The following MYBBP1A variants were observed in gnomAD, a reference collection of about 807,000 sequenced individuals.
MYBBP1A encodes myb-binding protein 1A.
MYBBP1A carries 147 observed loss-of-function variants against 136.3 expected under a neutral mutation model. That is an observed-to-expected ratio of 1.08 (90% CI 0.94 to 1.24). The LOEUF is 1.24. MYBBP1A is among the 50% of genes most tolerant of loss of function. The pLI, the probability that MYBBP1A is intolerant of heterozygous loss-of-function variation, is 0.00. For synonymous variants in MYBBP1A, 947 were observed against 735.8 expected, an observed-to-expected ratio of 1.29 and a Z score of -4.65; for missense variants, 2,060 against 1,727.4, an observed-to-expected ratio of 1.19 and a Z score of -3.41.
Position 4,543,255 on chromosome 17 carries a change from T to C in MYBBP1A, c.2640-90A>G, listed in dbSNP as rs1041423563. 12 of 1,461,170 alleles carry C rather than the reference T, an allele frequency of 8.2e-6. No individual in the cohort carries two copies. The African/African-American group carries it at 1.7e-4, about 21-fold the overall frequency. 90.5% of individuals were successfully genotyped at this position (1,461,170 alleles called of 1,614,324 possible). On this transcript the variant is annotated intron_variant, in intron 19 of 25. Coordinates refer to ENST00000254718, the MANE Select transcript of MYBBP1A (RefSeq NM_014520.4). Reference sequence around the variant, plus strand: ...GCCAACCCAAGTCCCACTTTATAAGTGGGGAAACAGACCTAGAAGACGACA... The same window carrying C: ...GCCAACCCAAGTCCCACTTTATAAGCGGGGAAACAGACCTAGAAGACGACA...
chr17:4,550,368 C>A lies in MYBBP1A; in HGVS notation c.1024-15G>T. The stretch of plus-strand genomic sequence containing the variant: ...TGCTTTGGGAGCTGCAAGAGTTAGG[C>A]ATGGCGCTGAGCCCACCAGCCCAGG... On this transcript the variant is annotated splice_polypyrimidine_tract_variant and intron_variant, in intron 8 of 25. Transcript: ENST00000254718. The A allele has an allele frequency of 6.2e-7, 1 of 1,603,408 alleles. No homozygotes were observed. The highest frequency in any genetic ancestry group is 8.5e-7 in the Non-Finnish European group (1 of 1,174,872).
intron 13 of MYBBP1A, among the ~76,000 whole-genome samples, chr17:4,546,266 G>C (rs1907003814): frequency 6.6e-6 from 1 of 152,180 alleles, no homozygotes; most frequent in African/African-American, 2.4e-5. Context: ...TTGCAGGCGT[G>C]TACCACCATG....
At chr17:4,549,150 C>T (rs1188020541) in intron 10 of MYBBP1A, among the ~76,000 whole-genome samples, 182 bp downstream of exon 10, 1 of 152,226 alleles carries the variant, frequency 6.6e-6, no homozygotes, top group African/African-American at 2.4e-5. Context: ...AGCTGGGGTG[C>T]CTCCTGGGCC....
rs373596938 is a variant in MYBBP1A at position 4,544,999 on chromosome 17, G to A, written c.2310+27C>T. ...GGGGACACCCGAGCCCTCCCCGGCC[G>A]CCCCCCCCTCCACCTCCCCCACTCA... On this transcript the variant is annotated intron_variant, in intron 17 of 25. Transcript: ENST00000254718. 673 of 498,994 alleles carry A rather than the reference G, an allele frequency of 1.3e-3. 4 individuals carry two copies. The East Asian group carries it at 0.033, about 24-fold the overall frequency. 30.9% of individuals were successfully genotyped at this position (498,994 alleles called of 1,614,324 possible).
Position 4,545,128 on chromosome 17 carries a change from C to T in MYBBP1A, c.2208G>A (p.Glu736=). The change falls in exon 17 of 26, where the codon GAG becomes GAA. Residue 736 remains glutamate (E), a synonymous_variant. Coordinates refer to ENST00000254718, the MANE Select transcript of MYBBP1A (RefSeq NM_014520.4). ...CCTCGCTCTCCTCCCCCTCGCTCTC[C>T]TCTTCACTCTCTGAGCTTCTGTTGT... ...GEDNRSSESE[E]ESEGEESEEE... is the part of the protein sequence containing the mutation. 6.2e-7 allele frequency: 1 copy of T among 1,612,858 alleles called. No individual in the cohort carries two copies. Among genetic ancestry groups the T allele is most frequent in the South Asian group, 1.1e-5 (1 of 90,976 alleles).
rs1312710248 is a variant in MYBBP1A at position 4,544,939 on chromosome 17, A to T, written c.2311-18T>A. 6.3e-7 allele frequency: 1 copy of T among 1,590,110 alleles called. No individual in the cohort carries two copies. ...TCTCCACCCTGAGGGACAGAGGCCC[A>T]GCGGTCAGCCAGGCCTCGGGCAGGC... On this transcript the variant is annotated intron_variant, in intron 17 of 25. Transcript: ENST00000254718.
chr17:4,548,159 G>A lies in MYBBP1A; in HGVS notation c.1708C>T (p.Arg570Cys), dbSNP rs768988563. 1.6e-5 allele frequency: 25 copies of A among 1,604,968 alleles called. No individual in the cohort carries two copies. The highest frequency in any genetic ancestry group is 1.6e-4 in the Middle Eastern group (1 of 6,084). ...CGTGCTCACCGGTCCCAGGCCTGGC[G>A]CTGCTGCGCAGTGAAGGGTGTCACG... ...TTVTPFTAQQ[R>C]QAWDRMLQTL... The change falls in exon 12 of 26, where the codon CGC becomes TGC. Residue 570 changes from arginine (R) to cysteine (C), a missense_variant. Coordinates refer to ENST00000254718, the MANE Select transcript of MYBBP1A (RefSeq NM_014520.4). The surrounding 1 kb of genome is among the most constrained non-coding windows in gnomAD (Gnocchi z 4.2).
In MYBBP1A at chr17:4,554,194, C is replaced by G. The variant is rs749862876; in HGVS notation, c.378+1G>C. The G allele has an allele frequency of 3.7e-6, 6 of 1,613,962 alleles. No individual in the cohort carries two copies. The highest frequency in any genetic ancestry group is 1.7e-5 in the Admixed American group (1 of 60,002). ...GCTGACCTCCCTGGCCCCACTCTCA[C>G]CTTCTTCACCTGATGCAGGTCATAT... On this transcript the variant is annotated splice_donor_variant, in intron 3 of 25. Transcript: ENST00000254718. LOFTEE classifies it high-confidence loss of function.
In MYBBP1A at chr17:4,541,463, C is replaced by G. The variant is rs1415004556; in HGVS notation, c.3297G>C (p.Glu1099Asp). 1 of 1,612,880 alleles carries G rather than the reference C, an allele frequency of 6.2e-7. No individual in the cohort carries two copies. Among genetic ancestry groups the G allele is most frequent in the Non-Finnish European group, 8.5e-7 (1 of 1,179,822 alleles). ...LNVLFRTCKHEKLTLDLTVLL... is the reference protein window; with the variant it reads ...LNVLFRTCKHDKLTLDLTVLL... ...ACCGCGGACTGGGCCCCCGCCTCAC[C>G]TCATGTTTGCAGGTCCTGAAGAGAA... The change falls in exon 24 of 26, where the codon GAG becomes GAC. Residue 1099 changes from glutamate to aspartate, a missense_variant and splice_region_variant. Coordinates refer to ENST00000254718, the MANE Select transcript of MYBBP1A (RefSeq NM_014520.4).
chr17:4,543,216 C>G, intron 19 of MYBBP1A, 51 bp from the exon 20 acceptor site: 1 of 1,535,956 alleles, frequency 6.5e-7, no homozygotes, highest in Non-Finnish European at 8.7e-7. Flanking sequence ...GTCCACCCTG[C>G]TCCGCCAAGC....
Position 4,545,053 on chromosome 17 carries a change from C to A in MYBBP1A, c.2283G>T (p.Met761Ile). ...GCGCCTTCCCAGCCTGCAGCACGGT[C>A]ATCAGCTGTTCCCGGAAGCCCTGAT... ...DVDQGFREQLMTVLQAGKALG... is the reference protein window; with the variant it reads ...DVDQGFREQLITVLQAGKALG... The change falls in exon 17 of 26, where the codon ATG becomes ATT. Residue 761 changes from methionine (M) to isoleucine (I), a missense_variant. Coordinates refer to ENST00000254718, the MANE Select transcript of MYBBP1A (RefSeq NM_014520.4). 6.5e-7 allele frequency: 1 copy of A among 1,542,826 alleles called. No homozygotes were observed. The highest frequency in any genetic ancestry group is 8.7e-7 in the Non-Finnish European group (1 of 1,145,446).
In MYBBP1A at chr17:4,546,893, G is replaced by A. The variant is rs186968894; in HGVS notation, c.1825-951C>T. Among the ~76,000 whole-genome samples the A allele has an allele frequency of 9.2e-4, 139 of 150,878 alleles. 1 individual carries two copies. The highest frequency in any genetic ancestry group is 3.2e-3 in the African/African-American group (130 of 40,904). ...AGGCTGTGTGCCCAAGCAGGTCCCC[G>A]TCCTCCTCTGGGCTGCACCTTTTTT... On this transcript the variant is annotated intron_variant, in intron 13 of 25. Coordinates refer to ENST00000254718, the MANE Select transcript of MYBBP1A (RefSeq NM_014520.4).
intron 22 of MYBBP1A, 37 bp downstream of exon 22, chr17:4,542,427 A>G (rs1478182688): frequency 6.3e-7 from 1 of 1,576,526 alleles, no homozygotes; most frequent in South Asian, 1.2e-5. Context: ...GGGTTAATTC[A>G]GACAGGCCCT....
At chr17:4,555,074 C>G in intron 1 of MYBBP1A, 53 bp downstream of exon 1, 20 of 1,568,464 alleles carry the variant, frequency 1.3e-5, no homozygotes, top group Non-Finnish European at 1.7e-5. Flanking sequence ...GGGCCCGCCG[C>G]CGCTTCCTTG....
chr17:4,540,272 G>T, intron 25 of MYBBP1A, 76 bp downstream of exon 25: 1 of 1,503,742 alleles, frequency 6.7e-7, no homozygotes, highest in Non-Finnish European at 8.9e-7. Context: ...CGTGTGTGCA[G>T]CGTGTGTGTG....
In MYBBP1A at chr17:4,542,661, G is replaced by A. The variant is rs1597378617; in HGVS notation, c.2973C>T (p.Ser991=). 3.1e-6 allele frequency: 5 copies of A among 1,614,024 alleles called. No homozygotes were observed. Among genetic ancestry groups the A allele is most frequent in the African/African-American group, 2.7e-5 (2 of 75,026 alleles). ...TGAGGAACATGGGAACTGTGAGGGGGCTGTTGCGCTTGGTCAGGAAGGAGC... is the reference window on the plus strand; with the variant it reads ...TGAGGAACATGGGAACTGTGAGGGGACTGTTGCGCTTGGTCAGGAAGGAGC... The part of the protein sequence containing the change: ...ALSSFLTKRN[S]PLTVPMFLSL... The change falls in exon 21 of 26, where the codon AGC becomes AGT. Residue 991 remains serine, a synonymous_variant. Coordinates refer to ENST00000254718, the MANE Select transcript of MYBBP1A (RefSeq NM_014520.4).
At chr17:4,545,782 G>C in intron 14 of MYBBP1A, 21 bp from the exon 15 acceptor site, 1 of 1,606,930 alleles carries the variant, frequency 6.2e-7, no homozygotes, top group Non-Finnish European at 8.5e-7. Flanking sequence ...GAGGGGTTGA[G>C]CCCGGATAGG....
chr17:4,540,318 C>G (rs369374364), intron 25 of MYBBP1A, 30 bp downstream of exon 25: 2 of 1,576,912 alleles, frequency 1.3e-6, no homozygotes, highest in Non-Finnish European at 1.7e-6. Flanking sequence ...AGCCCCTACC[C>G]AAGGTGTGTG....
chr17:4,541,997 G>C, intron 22 of MYBBP1A, 106 bp from the exon 23 acceptor site: 1 of 787,864 alleles, frequency 1.3e-6, no homozygotes, highest in Non-Finnish European at 2.1e-6. Flanking sequence ...TGTGGGCAGC[G>C]TGTGAGGCTG....
Sources: gnomAD v4.1 joint callset for allele counts (sites outside exome capture counted in the v4.1 genomes callset) on GRCh38, gnomAD v4.1.1 for gene constraint, Gnocchi (gnomAD v3.1) non-coding constraint, MANE v1.5 for transcripts, NCBI Gene and HGNC (gene_info 2026-07-23, HGNC 2026-07-21) for gene names.